The following ATXN7L1 variants were observed in gnomAD, a reference collection of about 807,000 sequenced individuals.
ATXN7L1 encodes ataxin-7-like protein 1.
In ATXN7L1, 15 loss-of-function variants were observed where a neutral mutation model predicts 70.8. That is an observed-to-expected ratio of 0.21 (90% confidence interval 0.14 to 0.33). The LOEUF (loss-of-function observed/expected upper bound fraction) is 0.33. Among genes scored for constraint, ATXN7L1 ranks in the 10% least tolerant of loss-of-function variants. ATXN7L1 has a pLI of 1.00. For synonymous variants in ATXN7L1, 440 were observed against 445.1 expected, an observed-to-expected ratio of 0.99 and a Z score of 0.14; for missense variants, 975 against 1,097.1, an observed-to-expected ratio of 0.89 and a Z score of 1.57.
chr7:105,821,596 A>G, intron 2 of ATXN7L1, among the ~76,000 whole-genome samples: 1 of 152,234 alleles, frequency 6.6e-6, no homozygotes. Context: ...AACTCATTTG[A>G]TAGGTGGAAG....
chr7:105,781,759 TA>T (rs1803564683), intron 3 of ATXN7L1, among the ~76,000 whole-genome samples: 1 of 152,232 alleles, frequency 6.6e-6, no homozygotes, highest in Non-Finnish European at 1.5e-5. Flanking sequence ...ATTTCCATTT[TA>T]ATACGGAAAC....
At chr7:105,700,029 C>T (rs377104106) in intron 3 of ATXN7L1, among the ~76,000 whole-genome samples, 8 of 152,104 alleles carry the variant, frequency 5.3e-5, no homozygotes, top group East Asian at 3.9e-4. Context: ...TGAGGAGCAG[C>T]GACTCAGAGC....
chr7:105,710,354 T>C lies in ATXN7L1; in HGVS notation c.356-45066A>G, dbSNP rs186265180. Among the ~76,000 whole-genome samples, 499 of 151,256 alleles carry C rather than the reference T, an allele frequency of 3.3e-3. 2 individuals carry two copies. The highest frequency in any genetic ancestry group is 0.011 in the African/African-American group (440 of 41,174). ...TGAAGGGGAAGCAAGCACGTCTTAC[T>C]ATGGAGGAGCAGGAGAGAGAAACAG... On this transcript the variant is annotated intron_variant, in intron 3 of 11. Transcript: ENST00000419735.
chr7:105,853,209 G>A (rs1451422036), intron 2 of ATXN7L1, among the ~76,000 whole-genome samples: 2 of 152,218 alleles, frequency 1.3e-5, no homozygotes, highest in Non-Finnish European at 2.9e-5. Context: ...CTCTAAACTG[G>A]TTAAAGTATT....
chr7:105,820,932 T>C (rs890035807), intron 2 of ATXN7L1, among the ~76,000 whole-genome samples: 1 of 152,248 alleles, frequency 6.6e-6, no homozygotes, highest in Middle Eastern at 3.2e-3. Context: ...GCTTCAGCCA[T>C]GATTGTAATC....
rs150001143 is a variant in ATXN7L1 at position 105,815,993 on chromosome 7, C to T, written c.251-27285G>A. On this transcript the variant is annotated intron_variant, in intron 2 of 11. Coordinates refer to ENST00000419735, the MANE Select transcript of ATXN7L1 (RefSeq NM_020725.2). ...AGTTATGTAAGAAAGGAAACCTAAT[C>T]CCAGTACACTGGTTGGCTCCCTAGT... Among the ~76,000 whole-genome samples the T allele has an allele frequency of 1.2e-3, 189 of 152,310 alleles. 2 individuals are homozygous for T. The highest frequency in any genetic ancestry group is 4.4e-3 in the African/African-American group (181 of 41,572).
At chr7:105,790,820 G>T (rs1805117115) in intron 2 of ATXN7L1, among the ~76,000 whole-genome samples, 1 of 152,070 alleles carries the variant, frequency 6.6e-6, no homozygotes, top group South Asian at 2.1e-4. Flanking sequence ...CCTCCTTTTA[G>T]CTGACTGGCT....
At chr7:105,780,404 C>T (rs590824) in intron 3 of ATXN7L1, among the ~76,000 whole-genome samples, 20,995 of 152,096 alleles carry the variant, frequency 0.14, 1,761 homozygotes, top group Admixed American at 0.19. Flanking sequence ...AATTCTACTG[C>T]ATCACCATCA....
intron 3 of ATXN7L1, among the ~76,000 whole-genome samples, chr7:105,758,521 A>G (rs1800090789): frequency 6.6e-6 from 1 of 152,118 alleles, no homozygotes; most frequent in South Asian, 2.1e-4. Context: ...AGGACTCAAG[A>G]GCTTTGGGGT....
Position 105,647,956 on chromosome 7 carries a change from A to G in ATXN7L1, c.579-4835T>C, listed in dbSNP as rs1287182703. 2.6e-5 allele frequency among the ~76,000 whole-genome samples: 4 copies of G among 152,210 alleles called. No homozygotes were observed. In the East Asian group the frequency reaches 7.7e-4, roughly 29 times the overall value. On this transcript the variant is annotated intron_variant, in intron 4 of 11. Transcript: ENST00000419735. ...CATACTCTACTGTCAATGATTCCAG[A>G]ACTCAGCTGGATGCGAAATTGGAGC... is the stretch of plus-strand genomic sequence containing the variant.
At chr7:105,803,102 CA>C (rs1807058067) in intron 2 of ATXN7L1, among the ~76,000 whole-genome samples, 1 of 152,246 alleles carries the variant, frequency 6.6e-6, no homozygotes, top group African/African-American at 2.4e-5. Context: ...ACCCCTGTGT[CA>C]AATCCGTCAG....
intron 2 of ATXN7L1, among the ~76,000 whole-genome samples, chr7:105,796,375 A>T (rs4727626): frequency 0.24 from 35,800 of 151,912 alleles, 4,500 homozygotes; most frequent in East Asian, 0.46. Flanking sequence ...ATAAATAAAT[A>T]AATTAATTAA....
chr7:105,642,884 G>C lies in ATXN7L1; in HGVS notation c.816C>G (p.His272Gln). The C allele has an allele frequency of 6.4e-7, 1 of 1,551,712 alleles. No homozygotes were observed. The highest frequency in any genetic ancestry group is 8.7e-7 in the Non-Finnish European group (1 of 1,146,998). ...TGTTGCTGTTTTTGGTGCCATTTTGGTGTTTCTTGTCTATGGTGGTTGGCA... is the reference window on the plus strand; with the variant it reads ...TGTTGCTGTTTTTGGTGCCATTTTGCTGTTTCTTGTCTATGGTGGTTGGCA... ...GILPTTIDKK[H>Q]QNGTKNSNKP... Residue 272 changes from histidine to glutamine, a missense_variant, in exon 5 of 12, where the codon CAC becomes CAG. His to Gln is a conservative substitution (Grantham distance 24). Transcript: ENST00000419735.
At chr7:105,747,339 A>G (rs1798698519) in intron 3 of ATXN7L1, among the ~76,000 whole-genome samples, 1 of 152,186 alleles carries the variant, frequency 6.6e-6, no homozygotes, top group Admixed American at 6.5e-5. Context: ...GGTTCGGAGA[A>G]CTTCTGGATA....
intron 4 of ATXN7L1, among the ~76,000 whole-genome samples, chr7:105,660,762 T>C (rs1801485438): frequency 6.6e-6 from 1 of 151,974 alleles, no homozygotes; most frequent in Non-Finnish European, 1.5e-5. Flanking sequence ...TTTGAATTTT[T>C]AGTAGAGACA....
intron 3 of ATXN7L1, among the ~76,000 whole-genome samples, chr7:105,778,524 A>AAAC (rs1554460006): frequency 2.2e-5 from 3 of 138,376 alleles, no homozygotes; most frequent in African/African-American, 9.0e-5. Context: ...AAAAAAAAAA[A>AAAC]AAAAAAAAAA....
At position 105,607,942 on chromosome 7, in the gene ATXN7L1, C is replaced by T. The variant is rs190275663; in HGVS notation, c.2548-52G>A. On this transcript the variant is annotated intron_variant, in intron 11 of 11. Transcript: ENST00000419735. ...TTTCAAAACCATACAGTTGAGATTA[C>T]CCATGAGAATTCAAGGATGGAGACT... 1.4e-4 allele frequency: 206 copies of T among 1,481,838 alleles called. No homozygotes were observed. In the African/African-American group the frequency reaches 2.8e-3, roughly 20 times the overall value. The allele number at this position is 1,481,838 out of a possible 1,614,324, so 91.8% of individuals were successfully genotyped here. A position where few individuals can be genotyped will look rare whatever the true frequency, so the allele number is the denominator to read the frequency against.
At chr7:105,865,823 A>G (rs1817383120) in intron 2 of ATXN7L1, among the ~76,000 whole-genome samples, 1 of 152,128 alleles carries the variant, frequency 6.6e-6, no homozygotes, top group Non-Finnish European at 1.5e-5. Context: ...GAAACTCTGT[A>G]TCATGGCAAC....
intron 3 of ATXN7L1, among the ~76,000 whole-genome samples, chr7:105,752,648 C>A (rs1799345854): frequency 6.6e-6 from 1 of 152,212 alleles, no homozygotes; most frequent in African/African-American, 2.4e-5. Context: ...AACTTTGAGA[C>A]TGCCCCAACC....
Sources: gnomAD v4.1 joint callset for allele counts (sites outside exome capture counted in the v4.1 genomes callset) on GRCh38, gnomAD v4.1.1 for gene constraint, MANE v1.5 for transcripts, NCBI Gene and HGNC (gene_info 2026-07-23, HGNC 2026-07-21) for gene names.